The following ANKH variants were observed in gnomAD, a reference collection of about 807,000 sequenced individuals.
ANKH encodes ANKH inorganic pyrophosphate transport regulator.
In ANKH, 15 loss-of-function variants were observed where a neutral mutation model predicts 49.0. The observed-to-expected ratio is 0.31, with a 90% CI of 0.20 to 0.47. The LOEUF is 0.47. ANKH is among the 20% of genes least tolerant of loss of function. The pLI is 1.00. For missense variants in ANKH, 429 were observed against 652.0 expected, an observed-to-expected ratio of 0.66 and a Z score of 3.72; for synonymous variants, 273 against 260.0, an observed-to-expected ratio of 1.05 and a Z score of -0.48.
Position 14,710,302 on chromosome 5 carries a change from G to C in ANKH, c.*895C>G, listed in dbSNP as rs1737117104. 6.6e-6 allele frequency: 1 copy of C among 152,360 alleles called. No homozygotes were observed. Among genetic ancestry groups the C allele is most frequent in the South Asian group, 2.1e-4 (1 of 4,830 alleles). The allele number at this position is 152,360 out of a possible 1,614,324, so 9.4% of individuals were successfully genotyped here. ...AAAAACTAAAATGCAAAGTTAGGAT[G>C]CTCCATGTGACTCGCTCTAATGCGA... On this transcript the variant is annotated 3_prime_UTR_variant, in exon 12 of 12. Transcript: ENST00000284268.
At chr5:14,724,764 A>G (rs565363657) in intron 8 of ANKH, among the ~76,000 whole-genome samples, 1 of 152,286 alleles carries the variant, frequency 6.6e-6, no homozygotes, top group Admixed American at 6.5e-5. Context: ...ACTCAGAAAC[A>G]TGCCAACCAG....
chr5:14,719,937 C>G (rs1737608527), intron 8 of ANKH, among the ~76,000 whole-genome samples: 1 of 152,176 alleles, frequency 6.6e-6, no homozygotes, highest in African/African-American at 2.4e-5. Context: ...AAATATTTAT[C>G]TCCTTTTCTT....
At chr5:14,820,583 A>T (rs1296826640) in intron 1 of ANKH, among the ~76,000 whole-genome samples, 1 of 152,214 alleles carries the variant, frequency 6.6e-6, no homozygotes, top group Non-Finnish European at 1.5e-5. Context: ...AGGGCAGGCC[A>T]ACGGCCCAAC....
intron 1 of ANKH, among the ~76,000 whole-genome samples, chr5:14,795,936 G>A (rs1740360160): frequency 6.6e-6 from 1 of 151,986 alleles, no homozygotes; most frequent in Non-Finnish European, 1.5e-5. Flanking sequence ...CCGTGAGGCT[G>A]GTTAATTATT....
intron 1 of ANKH, among the ~76,000 whole-genome samples, chr5:14,800,899 T>G (rs1157790744): frequency 6.6e-6 from 1 of 151,890 alleles, no homozygotes; most frequent in African/African-American, 2.4e-5. Context: ...CTAGTTATTT[T>G]ATTTTTTGTA....
At chr5:14,733,782 G>A (rs1738079925) in intron 8 of ANKH, among the ~76,000 whole-genome samples, 2 of 152,214 alleles carry the variant, frequency 1.3e-5, no homozygotes, top group African/African-American at 4.8e-5. Flanking sequence ...AGCCCCGTGT[G>A]CCTCACAGCC....
intron 1 of ANKH, among the ~76,000 whole-genome samples, chr5:14,860,094 C>T (rs1006127443): frequency 6.6e-6 from 1 of 152,216 alleles, no homozygotes; most frequent in Non-Finnish European, 1.5e-5. Flanking sequence ...GGTGGAATGC[C>T]TCTGCGTGGG....
intron 8 of ANKH, among the ~76,000 whole-genome samples, chr5:14,731,014 C>T (rs1465345788): frequency 2.6e-4 from 39 of 152,194 alleles, no homozygotes; most frequent in Non-Finnish European, 8.8e-5. Flanking sequence ...GCCCTCGAGG[C>T]CAAGGCAGCA....
At chr5:14,867,781 G>A (rs781568660) in intron 1 of ANKH, among the ~76,000 whole-genome samples, 1 of 152,048 alleles carries the variant, frequency 6.6e-6, no homozygotes, top group Non-Finnish European at 1.5e-5. Context: ...GGATGGTCTC[G>A]ATCTCCTGAC....
At chr5:14,794,673 C>G (rs1215304626) in intron 1 of ANKH, among the ~76,000 whole-genome samples, 1 of 152,208 alleles carries the variant, frequency 6.6e-6, no homozygotes, top group Admixed American at 6.5e-5. Context: ...ATTTTTCCCA[C>G]AGAGGTGACA....
intron 1 of ANKH, among the ~76,000 whole-genome samples, chr5:14,841,360 G>A (rs1679138): frequency 0.47 from 71,146 of 151,170 alleles, 16,980 homozygotes; most frequent in East Asian, 0.75. Context: ...GCAATGGTGC[G>A]ACCTCGGCTC....
At chr5:14,716,608 C>A in intron 9 of ANKH, 98 bp downstream of exon 9, 1 of 1,539,220 alleles carries the variant, frequency 6.5e-7, no homozygotes, top group East Asian at 2.3e-5. Flanking sequence ...TGAAATTTTA[C>A]ATTTGTGTTG....
At chr5:14,786,021 G>A (rs113587401) in intron 1 of ANKH, among the ~76,000 whole-genome samples, 22,577 of 147,698 alleles carry the variant, frequency 0.15, 2,123 homozygotes, top group Middle Eastern at 0.26. Context: ...ATTCTAGCCT[G>A]GGTGAGAAAG....
intron 1 of ANKH, among the ~76,000 whole-genome samples, chr5:14,863,823 C>T (rs1006138832): frequency 2.0e-5 from 3 of 152,152 alleles, no homozygotes; most frequent in African/African-American, 7.2e-5. Flanking sequence ...TTGTCCCAAA[C>T]CAAATATGAA....
chr5:14,775,554 AT>A (rs1357243100), intron 1 of ANKH, among the ~76,000 whole-genome samples: 4 of 152,090 alleles, frequency 2.6e-5, no homozygotes, highest in Admixed American at 2.6e-4. Context: ...ATGGCTGGAC[AT>A]TTTTTGCAGG....
At chr5:14,760,592 G>A (rs1256262068) in intron 2 of ANKH, among the ~76,000 whole-genome samples, 1 of 152,196 alleles carries the variant, frequency 6.6e-6, no homozygotes, top group Admixed American at 6.5e-5. Context: ...ACTGCGCAGG[G>A]ATCTGCAAGG....
At chr5:14,787,960 C>T (rs563766968) in intron 1 of ANKH, among the ~76,000 whole-genome samples, 3 of 152,262 alleles carry the variant, frequency 2.0e-5, no homozygotes, top group Admixed American at 6.5e-5. Flanking sequence ...CTGGTTTAAG[C>T]CCTTCATGAC....
rs139353377 is a variant in ANKH, at chr5:14,710,502, A to G, written c.*695T>C. 6.5e-6 allele frequency: 1 copy of G among 154,376 alleles called. No individual in the cohort carries two copies. The highest frequency in any genetic ancestry group is 1.9e-4 in the East Asian group (1 of 5,202). 9.6% of individuals were successfully genotyped at this position (154,376 alleles called of 1,614,324 possible). A position where few individuals can be genotyped will look rare whatever the true frequency, so the allele number is the denominator to read the frequency against. ...GGAGAACGCAGAGTGAAATGCTATC[A>G]TTCAACCATGTCAGTTTGCTGCCCC... On this transcript the variant is annotated 3_prime_UTR_variant, in exon 12 of 12. Transcript: ENST00000284268.
intron 4 of ANKH, among the ~76,000 whole-genome samples, chr5:14,755,037 T>C (rs1300057448): frequency 7.0e-5 from 10 of 143,430 alleles, no homozygotes; most frequent in Admixed American, 3.5e-4. Flanking sequence ...GATTGTGCCA[T>C]TCGACAAGAG....
Sources: gnomAD v4.1 joint callset for allele counts (sites outside exome capture counted in the v4.1 genomes callset) on GRCh38, gnomAD v4.1.1 for gene constraint, MANE v1.5 for transcripts, NCBI Gene and HGNC (gene_info 2026-07-23, HGNC 2026-07-21) for gene names.